KDM4B: variants seen among roughly 807,000 people sequenced by gnomAD.
KDM4B encodes lysine demethylase 4B, also known as lysine-specific demethylase 4B.
Under a neutral mutation model 125.2 loss-of-function variants are expected in KDM4B, and 32 were observed. That is an observed-to-expected ratio of 0.26 (90% confidence interval 0.19 to 0.34). The LOEUF (loss-of-function observed/expected upper bound fraction) is 0.34, where lower values mean the gene tolerates loss of function less well. Ranked by LOEUF, KDM4B falls within the 10% of genes least tolerant of loss-of-function variation. The pLI is 1.00. For synonymous variants in KDM4B, 721 were observed against 677.9 expected (o/e 1.06, Z -0.99); for missense variants, 1,190 against 1,577.7 (o/e 0.75, Z 4.16).
intron 14 of KDM4B, among the ~76,000 whole-genome samples, chr19:5,134,969 G>A (rs892406582): frequency 6.6e-6 from 1 of 152,218 alleles, no homozygotes; most frequent in African/African-American, 2.4e-5. Context: ...TCAGACATGC[G>A]TCTTCCTAAT....
intron 6 of KDM4B, among the ~76,000 whole-genome samples, chr19:5,050,723 A>T (rs1025014292): frequency 1.1e-4 from 17 of 152,036 alleles, no homozygotes; most frequent in Non-Finnish European, 2.2e-4. Context: ...ACACGGTGAA[A>T]CCCCGTCTCT....
At chr19:5,032,810 C>A in intron 2 of KDM4B, 56 bp from the exon 3 acceptor site, 1 of 1,518,482 alleles carries the variant, frequency 6.6e-7, no homozygotes, top group Non-Finnish European at 9.0e-7. Flanking sequence ...AGGACGGGCT[C>A]CAAGGGCTGG....
intron 2 of KDM4B, among the ~76,000 whole-genome samples, chr19:5,017,060 G>A (rs1378298489): frequency 6.6e-6 from 1 of 152,244 alleles, no homozygotes; most frequent in African/African-American, 2.4e-5. Context: ...GGGAAAGGCT[G>A]CCTTGTGCGG....
chr19:4,974,824 G>A (rs1484654336), intron 1 of KDM4B, among the ~76,000 whole-genome samples: 1 of 151,848 alleles, frequency 6.6e-6, no homozygotes, highest in Non-Finnish European at 1.5e-5. Flanking sequence ...AGAACCTTCC[G>A]GTGACTTCCT....
chr19:4,988,246 G>A (rs548304516), intron 1 of KDM4B, among the ~76,000 whole-genome samples: 5 of 152,302 alleles, frequency 3.3e-5, no homozygotes, highest in East Asian at 1.9e-4. Context: ...TCTGCTGGAC[G>A]CGCTGGAAAC....
At chr19:5,049,611 G>A (rs1052872902) in intron 6 of KDM4B, among the ~76,000 whole-genome samples, 42 of 152,168 alleles carry the variant, frequency 2.8e-4, no homozygotes, top group African/African-American at 1.0e-3. Flanking sequence ...AGCTCAGCCT[G>A]CTTAGCACGC....
intron 9 of KDM4B, among the ~76,000 whole-genome samples, chr19:5,099,739 A>G (rs148828376): frequency 4.9e-4 from 75 of 152,304 alleles, no homozygotes; most frequent in African/African-American, 1.7e-3. Context: ...AGCCCTTATA[A>G]AAGAGCCCCC....
rs1316045788 is a variant in KDM4B at position 5,116,818 on chromosome 19, C to G, written c.1116-2835C>G. On this transcript the variant is annotated intron_variant, in intron 10 of 22. Transcript: ENST00000159111. Reference sequence around the variant, plus strand: ...ATAAAAGCGTAAACGTGGAATTTGGCTGCAATGGAAGACGGTGGCAGGTGC... The same window carrying G: ...ATAAAAGCGTAAACGTGGAATTTGGGTGCAATGGAAGACGGTGGCAGGTGC... Among the ~76,000 whole-genome samples the G allele has an allele frequency of 2.0e-5, 3 of 152,150 alleles. No individual in the cohort carries two copies. The East Asian group carries it at 5.8e-4, about 29-fold the overall frequency.
At chr19:5,024,498 C>A (rs1393765893) in intron 2 of KDM4B, among the ~76,000 whole-genome samples, 1 of 152,098 alleles carries the variant, frequency 6.6e-6, no homozygotes, top group Non-Finnish European at 1.5e-5. Context: ...ACTTGTTCCT[C>A]CCCCAGGTTG....
intron 1 of KDM4B, among the ~76,000 whole-genome samples, chr19:4,975,936 C>A (rs1189397697): frequency 1.3e-5 from 2 of 148,634 alleles, no homozygotes; most frequent in African/African-American, 4.9e-5. Flanking sequence ...CATTTAGAGT[C>A]ATATTCTAGC....
intron 4 of KDM4B, among the ~76,000 whole-genome samples, chr19:5,040,677 G>C (rs887271145): frequency 2.6e-5 from 4 of 151,870 alleles, no homozygotes; most frequent in Non-Finnish European, 5.9e-5. Context: ...CCTCCTCTCT[G>C]TCTGTGGCCT....
chr19:5,052,123 A>G lies in KDM4B; in HGVS notation c.626+4454A>G, dbSNP rs567771688. Among the ~76,000 whole-genome samples, 3 of 152,156 alleles carry G rather than the reference A, an allele frequency of 2.0e-5. No homozygotes were observed. The East Asian group carries it at 5.8e-4, about 29-fold the overall frequency. Reference sequence around the variant, plus strand: ...CTCCACCAGCCTCCCTTGACCTTTAAGGAGCTGCAAGCCGAGAATTTTCCC... The same window carrying G: ...CTCCACCAGCCTCCCTTGACCTTTAGGGAGCTGCAAGCCGAGAATTTTCCC... On this transcript the variant is annotated intron_variant, in intron 6 of 22. Transcript: ENST00000159111.
At chr19:5,090,884 T>A (rs943329422) in intron 9 of KDM4B, among the ~76,000 whole-genome samples, 13 of 151,770 alleles carry the variant, frequency 8.6e-5, no homozygotes, top group Non-Finnish European at 1.9e-4. Context: ...CCTGGGCCAG[T>A]GGCTTCGTGT....
intron 21 of KDM4B, among the ~76,000 whole-genome samples, chr19:5,148,080 T>C (rs1416021034): frequency 6.6e-6 from 1 of 152,216 alleles, no homozygotes; most frequent in Non-Finnish European, 1.5e-5. Flanking sequence ...ACTTGGAACA[T>C]GTTTCCCTCG....
chr19:5,121,808 T>C (rs1294389071), intron 11 of KDM4B, among the ~76,000 whole-genome samples: 1 of 152,084 alleles, frequency 6.6e-6, no homozygotes, highest in Non-Finnish European at 1.5e-5. Flanking sequence ...CAGCAGGGTT[T>C]GCTGATTTAA....
chr19:4,980,705 G>T (rs2034607674), intron 1 of KDM4B, among the ~76,000 whole-genome samples: 1 of 152,198 alleles, frequency 6.6e-6, no homozygotes, highest in African/African-American at 2.4e-5. Flanking sequence ...TGGGATGACA[G>T]GCGTGAGCCA....
At chr19:5,139,096 AT>A (rs57168853) in intron 18 of KDM4B, among the ~76,000 whole-genome samples, 394 of 151,526 alleles carry the variant, frequency 2.6e-3, no homozygotes, top group African/African-American at 9.0e-3. Flanking sequence ...TTAACTCCCA[AT>A]TTTTTTTTAA....
chr19:4,988,101 G>A (rs376763559), intron 1 of KDM4B, among the ~76,000 whole-genome samples: 1 of 152,194 alleles, frequency 6.6e-6, no homozygotes, highest in Non-Finnish European at 1.5e-5. Flanking sequence ...GCGGTGCAGG[G>A]GCAGGAGCTG....
At chr19:5,032,245 G>A (rs972338195) in intron 2 of KDM4B, among the ~76,000 whole-genome samples, 1 of 152,220 alleles carries the variant, frequency 6.6e-6, no homozygotes, top group African/African-American at 2.4e-5. Flanking sequence ...TACAGGGCTG[G>A]TGGGCTGGTT....
Sources: gnomAD v4.1 joint callset for allele counts (sites outside exome capture counted in the v4.1 genomes callset) on GRCh38, gnomAD v4.1.1 for gene constraint, MANE v1.5 for transcripts, NCBI Gene and HGNC (gene_info 2026-07-23, HGNC 2026-07-21) for gene names.